TBXAS1: variants seen among roughly 807,000 people sequenced by gnomAD.
The protein encoded by TBXAS1 is thromboxane-A synthase.
Under a neutral mutation model 60.7 loss-of-function variants are expected in TBXAS1, and 48 were observed. The ratio of observed to expected loss-of-function variants is 0.79; its 90% confidence interval spans 0.63 to 1.01. The LOEUF is 1.01. Ranked by LOEUF, TBXAS1 falls within the 50% of genes least tolerant of loss-of-function variation. The pLI is 0.00. For synonymous variants in TBXAS1, 287 were observed against 269.7 expected (o/e 1.06, Z -0.63); for missense variants, 685 against 686.3 (o/e 1.00, Z 0.02).
chr7:139,786,493 C>T (rs867766206), intron 3 of TBXAS1, among the ~76,000 whole-genome samples: 3 of 152,216 alleles, frequency 2.0e-5, no homozygotes, highest in Middle Eastern at 3.4e-3. Context: ...CTTTTACTTC[C>T]AACAACTTCA....
At chr7:139,897,732 G>A (rs1186712793) in intron 3 of TBXAS1, among the ~76,000 whole-genome samples, 1 of 152,188 alleles carries the variant, frequency 6.6e-6, no homozygotes. Context: ...TCTCTGCAGG[G>A]CTCTGTGAAT....
chr7:139,857,291 T>C (rs979640522), intron 1 of TBXAS1, among the ~76,000 whole-genome samples: 3 of 152,134 alleles, frequency 2.0e-5, no homozygotes, highest in Non-Finnish European at 4.4e-5. Context: ...AAATATATAA[T>C]CATATAATAT....
At chr7:139,795,860 C>G (rs1665446132) in intron 4 of TBXAS1, among the ~76,000 whole-genome samples, 2 of 152,104 alleles carry the variant, frequency 1.3e-5, no homozygotes, top group African/African-American at 2.4e-5. Context: ...GTTTTCAGGC[C>G]AAGCCCTACC....
intron 1 of TBXAS1, among the ~76,000 whole-genome samples, chr7:139,836,430 A>C (rs1194311545): frequency 2.6e-5 from 4 of 152,254 alleles, no homozygotes; most frequent in African/African-American, 7.2e-5. Flanking sequence ...CTATAAGCCC[A>C]TCATCACCCA....
intron 4 of TBXAS1, among the ~76,000 whole-genome samples, chr7:139,811,530 G>A (rs7781677): frequency 0.11 from 17,192 of 152,232 alleles, 2,186 homozygotes; most frequent in East Asian, 0.31. Context: ...TCCCTGGCAT[G>A]ACTGGGTGTC....
intron 1 of TBXAS1, among the ~76,000 whole-genome samples, chr7:139,848,405 A>T (rs1035399282): frequency 3.9e-5 from 6 of 152,224 alleles, no homozygotes. Context: ...ACAGATGTGA[A>T]TATGGAGGTC....
intron 4 of TBXAS1, among the ~76,000 whole-genome samples, chr7:139,811,850 A>G (rs184631235): frequency 4.6e-5 from 7 of 152,362 alleles, no homozygotes; most frequent in Admixed American, 2.0e-4. Context: ...AGTCTACATG[A>G]CAGTGACTCT....
At chr7:139,792,064 T>A (rs2117250104) in intron 4 of TBXAS1, among the ~76,000 whole-genome samples, 1 of 152,316 alleles carries the variant, frequency 6.6e-6, no homozygotes, top group South Asian at 2.1e-4. Context: ...TGATTCCATG[T>A]TTAGCAAGTT....
intron 1 of TBXAS1, among the ~76,000 whole-genome samples, chr7:139,868,638 C>G (rs773514256): frequency 6.6e-6 from 1 of 150,714 alleles, no homozygotes; most frequent in South Asian, 2.1e-4. Flanking sequence ...TGTGTGCCAC[C>G]ACACCTGGCT....
intron 5 of TBXAS1, among the ~76,000 whole-genome samples, chr7:139,939,893 G>T (rs1349186100): frequency 2.0e-5 from 3 of 152,124 alleles, no homozygotes; most frequent in Admixed American, 6.5e-5. Context: ...AGAAACACGA[G>T]GACGAAAAAG....
intron 3 of TBXAS1, among the ~76,000 whole-genome samples, chr7:139,887,674 T>C (rs1316098841): frequency 6.6e-6 from 1 of 152,254 alleles, no homozygotes; most frequent in African/African-American, 2.4e-5. Flanking sequence ...CGTTTGTTTG[T>C]AGATGGCGGA....
At position 139,778,510 on chromosome 7, in the gene TBXAS1, C is replaced by G; in HGVS notation, c.-318+39C>G. The G allele has an allele frequency of 6.6e-6, 1 of 152,208 alleles. No homozygotes were observed. Among genetic ancestry groups the G allele is most frequent in the East Asian group, 2.0e-4 (1 of 5,128 alleles). 9.4% of individuals were successfully genotyped at this position (152,208 alleles called of 1,614,324 possible). ...GAATGAATGAAGGAGTGGGCGCGCG[C>G]CGTGCTCCGGAGGAGGGCGGGTGAG... On this transcript the variant is annotated intron_variant, in intron 1 of 16. Transcript: ENST00000336425. This position sits in a 1 kb window ranked among gnomAD's most constrained non-coding sequence, Gnocchi z 4.8.
intron 6 of TBXAS1, among the ~76,000 whole-genome samples, chr7:139,954,596 G>A (rs1176170739): frequency 6.6e-6 from 1 of 152,204 alleles, no homozygotes; most frequent in Non-Finnish European, 1.5e-5. Context: ...TGCCTACATT[G>A]AGAACAAAAA....
At chr7:139,850,296 T>A (rs1800124569) in intron 1 of TBXAS1, among the ~76,000 whole-genome samples, 1 of 152,238 alleles carries the variant, frequency 6.6e-6, no homozygotes, top group Non-Finnish European at 1.5e-5. Context: ...AAAAAAGATG[T>A]GCTGACTGAA....
intron 9 of TBXAS1, among the ~76,000 whole-genome samples, chr7:139,977,233 G>A (rs1811629068): frequency 1.3e-5 from 2 of 152,190 alleles, no homozygotes; most frequent in African/African-American, 4.8e-5. Flanking sequence ...AGGTTTCATG[G>A]ACTTACAGTT....
chr7:139,962,153 T>A lies in TBXAS1; in HGVS notation c.1054T>A (p.Phe352Ile). Reference protein sequence around the residue: ...GYEIITNTLSFATYLLATNPD... With the variant: ...GYEIITNTLSIATYLLATNPD... ...TGAAATCATCACCAACACACTTTCT[T>A]TTGCCACCTACCTACTGGCCACCAA... is the stretch of plus-strand genomic sequence containing the variant. The change falls in exon 9 of 13, where the codon TTT (phenylalanine) becomes ATT (isoleucine). Residue 352 changes from phenylalanine (F) to isoleucine (I), a missense_variant. Physicochemically the swap from Phe to Ile is conservative, Grantham distance 21 (BLOSUM62 0). Transcript: ENST00000448866. 6.2e-7 allele frequency: 1 copy of A among 1,614,164 alleles called. No individual in the cohort carries two copies. The highest frequency in any genetic ancestry group is 2.2e-5 in the East Asian group (1 of 44,876).
At chr7:140,008,057 C>T (rs968688404) in intron 10 of TBXAS1, among the ~76,000 whole-genome samples, 2 of 152,162 alleles carry the variant, frequency 1.3e-5, no homozygotes, top group African/African-American at 4.8e-5. Context: ...AAGCATTAAC[C>T]GTATGTGATA....
chr7:139,865,216 G>A (rs1357869859), intron 1 of TBXAS1, among the ~76,000 whole-genome samples: 1 of 152,138 alleles, frequency 6.6e-6, no homozygotes. Flanking sequence ...GATCTCACGT[G>A]TAAAATCTGT....
intron 3 of TBXAS1, among the ~76,000 whole-genome samples, chr7:139,884,281 T>C (rs1802913292): frequency 6.6e-6 from 1 of 152,224 alleles, no homozygotes; most frequent in Admixed American, 6.5e-5. Context: ...GTTCAACTAT[T>C]ATTGAAATTA....
Sources: allele counts gnomAD v4.1 joint callset (sites outside exome capture counted in the v4.1 genomes callset), GRCh38; gene constraint gnomAD v4.1.1; non-coding constraint Gnocchi (gnomAD v3.1); transcripts MANE v1.5; gene names NCBI Gene and HGNC (gene_info 2026-07-23, HGNC 2026-07-21).